Variants in ITSN2 observed in about 807,000 individuals in gnomAD.
ITSN2 encodes intersectin 2, also known as intersectin-2.
ITSN2 carries 156 observed loss-of-function variants against 243.7 expected under a neutral mutation model. The observed-to-expected ratio is 0.64, with a 90% CI of 0.56 to 0.73. The LOEUF (loss-of-function observed/expected upper bound fraction) is 0.73, where lower values mean the gene tolerates loss of function less well. Ranked by LOEUF, ITSN2 falls within the 30% of genes least tolerant of loss-of-function variation. ITSN2 has a pLI of 0.00. For synonymous variants in ITSN2, 703 were observed against 699.9 expected (o/e 1.00, Z -0.07); for missense variants, 1,801 against 1,996.1 (o/e 0.90, Z 1.86).
intron 29 of ITSN2, chr2:24,241,380 A>C (rs1672709858): frequency 6.6e-6 from 1 of 152,268 alleles, no homozygotes; most frequent in African/African-American, 2.4e-5. Context: ...TCGAAAAAGA[A>C]TACACACGCT....
At position 24,261,148 on chromosome 2, in the gene ITSN2, A is replaced by G; in HGVS notation, c.2640T>C (p.Thr880=). Residue 880 remains threonine, a synonymous_variant, in exon 22 of 40, where the codon ACT becomes ACC. Transcript: ENST00000355123. The part of the protein sequence containing the change: ...NTSWQKKSAF[T]RTVSPGSVSP... ...ATACAGATCCAGGGGACACAGTTCGAGTGAAGGCTGATTTTTTCTGCCATG... is the reference window on the plus strand; with the variant it reads ...ATACAGATCCAGGGGACACAGTTCGGGTGAAGGCTGATTTTTTCTGCCATG... 2 of 1,613,950 alleles carry G rather than the reference A, an allele frequency of 1.2e-6. No homozygotes were observed. Among genetic ancestry groups the G allele is most frequent in the Non-Finnish European group, 1.7e-6 (2 of 1,179,856 alleles).
intron 34 of ITSN2, 93 bp from the exon 35 acceptor site, chr2:24,210,126 G>A (rs1157791694): frequency 2.3e-6 from 2 of 857,962 alleles, no homozygotes; most frequent in Non-Finnish European, 3.7e-6. Context: ...GGATACTGTG[G>A]TGGAGTTTTC....
At position 24,225,141 on chromosome 2, in the gene ITSN2, C is replaced by T. The variant is rs376837126; in HGVS notation, c.3578-4075G>A. Among the ~76,000 whole-genome samples the T allele has an allele frequency of 7.2e-5, 11 of 152,294 alleles. No individual in the cohort carries two copies. The East Asian group carries it at 1.4e-3, about 19-fold the overall frequency. Reference sequence around the variant, plus strand: ...AAGCCACTGTCTGTAGTCAGCCTCTCCTCCAGGGCCCCTCCCTTTCCTTCA... The same window carrying T: ...AAGCCACTGTCTGTAGTCAGCCTCTTCTCCAGGGCCCCTCCCTTTCCTTCA... On this transcript the variant is annotated intron_variant, in intron 29 of 39. Transcript: ENST00000355123. The surrounding 1 kb of genome is among the most constrained non-coding windows in gnomAD (Gnocchi z 4.2).
chr2:24,230,809 A>G (rs1671518649), intron 29 of ITSN2, among the ~76,000 whole-genome samples: 1 of 152,070 alleles, frequency 6.6e-6, no homozygotes, highest in South Asian at 2.1e-4. Context: ...AAACCCTCCA[A>G]TGGGTTCTTC....
chr2:24,246,983 G>A, intron 27 of ITSN2, 90 bp from the exon 28 acceptor site: 1 of 878,068 alleles, frequency 1.1e-6, no homozygotes, highest in Admixed American at 2.5e-5. Flanking sequence ...AACCATAAAT[G>A]TGTAGTAAAT....
intron 15 of ITSN2, among the ~76,000 whole-genome samples, chr2:24,291,495 T>A (rs952333323): frequency 2.0e-5 from 3 of 149,396 alleles, no homozygotes. Context: ...CTTCCTTTTT[T>A]TTTTTTTTTT....
At chr2:24,347,722 GT>G (rs1553399773) in intron 1 of ITSN2, among the ~76,000 whole-genome samples, 1 of 6,882 alleles carries the variant, frequency 1.5e-4, no homozygotes, top group Non-Finnish European at 3.9e-4. Flanking sequence ...GTAAATTTGG[GT>G]TTTCTTTTTT....
At chr2:24,299,446 CT>C (rs1558579997) in intron 12 of ITSN2, among the ~76,000 whole-genome samples, 1 of 152,146 alleles carries the variant, frequency 6.6e-6, no homozygotes, top group South Asian at 2.1e-4. Context: ...CCTAAGGACC[CT>C]TCTTTCCCAG....
rs755761101 is a variant in ITSN2 at position 24,315,114 on chromosome 2, C to G, written c.124+18G>C. On this transcript the variant is annotated intron_variant, in intron 3 of 39. Transcript: ENST00000355123. ...TAAGGACCATAATTCACTAATAAAA[C>G]TAATTATAAATACAAACCTGTTATG... 1.4e-6 allele frequency: 2 copies of G among 1,404,992 alleles called. No homozygotes were observed. Among genetic ancestry groups the G allele is most frequent in the South Asian group, 2.5e-5 (2 of 81,448 alleles). 87.0% of individuals were successfully genotyped at this position (1,404,992 alleles called of 1,614,324 possible).
chr2:24,328,239 A>G, intron 1 of ITSN2, 124 bp from the exon 2 acceptor site: 1 of 631,144 alleles, frequency 1.6e-6, no homozygotes, highest in Non-Finnish European at 2.8e-6. Context: ...AACAATGCAG[A>G]GCTTCTGCTG....
intron 19 of ITSN2, 147 bp downstream of exon 19, chr2:24,271,619 C>CT (rs891647717): frequency 3.5e-5 from 36 of 1,023,868 alleles, no homozygotes; most frequent in Non-Finnish European, 4.3e-5. Flanking sequence ...AAGCCTACTG[C>CT]TTTTTATCCA....
intron 30 of ITSN2, 101 bp downstream of exon 30, chr2:24,220,844 T>G (rs1425691714): frequency 6.8e-7 from 1 of 1,471,238 alleles, no homozygotes; most frequent in African/African-American, 1.5e-5. Flanking sequence ...AAGTGATGCC[T>G]TGCTTTGACT....
intron 2 of ITSN2, among the ~76,000 whole-genome samples, chr2:24,322,823 C>T (rs538066188): frequency 1.3e-5 from 2 of 151,844 alleles, no homozygotes; most frequent in South Asian, 2.1e-4. Context: ...AAAACATATT[C>T]AATAAATATA....
chr2:24,255,504 T>C (rs969040833), intron 23 of ITSN2, among the ~76,000 whole-genome samples: 1 of 151,692 alleles, frequency 6.6e-6, no homozygotes, highest in Non-Finnish European at 1.5e-5. Flanking sequence ...GGTGCATTCC[T>C]GTAATCCCAG....
chr2:24,300,717 A>C lies in ITSN2; in HGVS notation c.1081+437T>G, dbSNP rs888402790. Among the ~76,000 whole-genome samples the C allele has an allele frequency of 4.6e-5, 7 of 152,134 alleles. 1 individual carries two copies. The highest frequency in any genetic ancestry group is 1.7e-4 in the African/African-American group (7 of 41,422). On this transcript the variant is annotated intron_variant, in intron 11 of 39. Transcript: ENST00000355123. ...CTGGGCAACAAGGAAAAAAAAAAAA[A>C]ACTTTTTCAACTTTTTTCTCTTCTT...
chr2:24,210,713 AG>A (rs796884327), intron 34 of ITSN2, 66 bp downstream of exon 34: 43 of 1,492,666 alleles, frequency 2.9e-5, no homozygotes, highest in South Asian at 2.1e-4. Flanking sequence ...ACGTGAGGGA[AG>A]GCTCGGAGCT....
intron 1 of ITSN2, among the ~76,000 whole-genome samples, chr2:24,345,494 T>C (rs1200165659): frequency 6.6e-6 from 1 of 152,164 alleles, no homozygotes; most frequent in African/African-American, 2.4e-5. Flanking sequence ...TCTAAGATAA[T>C]ACCCATCAGA....
chr2:24,244,436 A>G (rs1411081370), intron 29 of ITSN2, among the ~76,000 whole-genome samples: 1 of 152,164 alleles, frequency 6.6e-6, no homozygotes, highest in East Asian at 1.9e-4. Context: ...TCCCTATTCT[A>G]TGAGGCTTAA....
intron 29 of ITSN2, among the ~76,000 whole-genome samples, chr2:24,237,353 C>G (rs1672276952): frequency 2.4e-5 from 1 of 40,960 alleles, no homozygotes; most frequent in Non-Finnish European, 4.6e-5. Flanking sequence ...AAAATAATCT[C>G]TTTCTCATAT....
Sources: allele counts gnomAD v4.1 joint callset (sites outside exome capture counted in the v4.1 genomes callset), GRCh38; gene constraint gnomAD v4.1.1; non-coding constraint Gnocchi (gnomAD v3.1); transcripts MANE v1.5; gene names NCBI Gene and HGNC (gene_info 2026-07-23, HGNC 2026-07-21).